Variants in MYO16 observed in about 807,000 individuals in gnomAD.
MYO16 encodes the protein myosin XVI.
In MYO16, 94 loss-of-function variants were observed where a neutral mutation model predicts 205.3. That is an observed-to-expected ratio of 0.46 (90% CI 0.39 to 0.54). MYO16 has a LOEUF of 0.54. MYO16 is among the 20% of genes least tolerant of loss of function. The pLI, the probability that MYO16 is intolerant of heterozygous loss-of-function variation, is 0.00. For synonymous variants in MYO16, 988 were observed against 954.0 expected, an observed-to-expected ratio of 1.04 and a Z score of -0.66; for missense variants, 2,315 against 2,387.5, an observed-to-expected ratio of 0.97 and a Z score of 0.63.
rs34317737 is a variant in MYO16, at chr13:109,127,859, TAAAAAAAAA to T, written c.4051+320_4051+328del. On this transcript the variant is annotated intron_variant, in intron 31 of 34. Transcript: ENST00000457511. This position sits in a 1 kb window ranked among gnomAD's most constrained non-coding sequence, Gnocchi z 4.2. ...ATGTAAAGGTTCACCAATGAGAAAG[TAAAAAAAAA>T]AAAAAAAAAACTGCTTCAGGCATTC... Among the ~76,000 whole-genome samples the T allele has an allele frequency of 7.5e-6, 1 of 132,660 alleles. No homozygotes were observed. Among genetic ancestry groups the T allele is most frequent in the Non-Finnish European group, 1.6e-5 (1 of 62,610 alleles). The allele number at this position is 132,660 out of a possible 152,430, so 87.0% of individuals were successfully genotyped here.
chr13:109,023,974 ATATG>A (rs1446943598), intron 23 of MYO16, among the ~76,000 whole-genome samples: 2 of 128,604 alleles, frequency 1.6e-5, no homozygotes, highest in East Asian at 4.9e-4. Context: ...ATATATTTCT[ATATG>A]TATATATTTC....
intron 1 of MYO16, among the ~76,000 whole-genome samples, chr13:108,604,049 C>T (rs1396503784): frequency 2.0e-5 from 3 of 151,938 alleles, no homozygotes; most frequent in Non-Finnish European, 2.9e-5. Flanking sequence ...CTTCACAAGG[C>T]GGCAGGTGAG....
chr13:108,898,859 C>T (rs1880569686), intron 15 of MYO16, among the ~76,000 whole-genome samples: 1 of 152,004 alleles, frequency 6.6e-6, no homozygotes, highest in African/African-American at 2.4e-5. Flanking sequence ...AATATAAATA[C>T]AATTGTAGGT....
chr13:108,924,505 A>G (rs918579968), intron 16 of MYO16, among the ~76,000 whole-genome samples: 2 of 152,230 alleles, frequency 1.3e-5, no homozygotes, highest in African/African-American at 4.8e-5. Context: ...TTCAATAGGA[A>G]GAAATGATCA....
chr13:108,887,185 C>A (rs1879940547), intron 13 of MYO16, among the ~76,000 whole-genome samples: 1 of 152,032 alleles, frequency 6.6e-6, no homozygotes, highest in South Asian at 2.1e-4. Context: ...ATTTTGTTTT[C>A]TAATATTAAC....
intron 1 of MYO16, among the ~76,000 whole-genome samples, chr13:108,616,697 A>G (rs1879361478): frequency 6.6e-6 from 1 of 152,168 alleles, no homozygotes; most frequent in Non-Finnish European, 1.5e-5. Context: ...AGTATTTTAG[A>G]AACTACTTAT....
chr13:109,206,845 G>C lies in MYO16; in HGVS notation c.*9G>C. 1 of 1,611,150 alleles carries C rather than the reference G, an allele frequency of 6.2e-7. No individual in the cohort carries two copies. The highest frequency in any genetic ancestry group is 8.5e-7 in the Non-Finnish European group (1 of 1,177,948). ...GGGACACCACCATTTGATGTGGCCT[G>C]AACTGCAGACTTACAAAATAGAACT... On this transcript the variant is annotated 3_prime_UTR_variant, in exon 35 of 35. Coordinates refer to ENST00000457511, the MANE Select transcript of MYO16 (RefSeq NM_001198950.3).
the MYO16 span, among the ~76,000 whole-genome samples, chr13:108,523,007 T>G: frequency 1.3e-5 from 2 of 152,142 alleles, no homozygotes; most frequent in Non-Finnish European, 2.9e-5. Flanking sequence ...TAGAAAAGCC[T>G]CAATCCTTTC....
chr13:109,074,970 A>G (rs1888044896), intron 27 of MYO16, among the ~76,000 whole-genome samples: 1 of 152,162 alleles, frequency 6.6e-6, no homozygotes, highest in Non-Finnish European at 1.5e-5. Context: ...GGCACCATAA[A>G]TTGTTTACTC....
chr13:109,065,460 A>G (rs750083945), intron 27 of MYO16: 122 of 405,146 alleles, frequency 3.0e-4, no homozygotes, highest in Non-Finnish European at 5.3e-4. Flanking sequence ...TGTGTTGAAT[A>G]ATATAAAACC....
chr13:108,951,846 T>C (rs1883165580), intron 16 of MYO16, among the ~76,000 whole-genome samples: 1 of 152,148 alleles, frequency 6.6e-6, no homozygotes, highest in African/African-American at 2.4e-5. Context: ...CGCATGCCTG[T>C]AATCCCAGCA....
intron 1 of MYO16, among the ~76,000 whole-genome samples, chr13:108,653,139 T>G (rs1233752724): frequency 6.6e-6 from 1 of 152,238 alleles, no homozygotes; most frequent in Non-Finnish European, 1.5e-5. Context: ...TGATGATCAA[T>G]GATGTTGAGC....
At chr13:108,608,675 C>T (rs1594140448) in intron 1 of MYO16, among the ~76,000 whole-genome samples, 1 of 151,890 alleles carries the variant, frequency 6.6e-6, no homozygotes, top group Admixed American at 6.6e-5. Flanking sequence ...GACAGTCCTG[C>T]TCTGTCACCC....
At chr13:108,831,855 A>G (rs747321962) in intron 9 of MYO16, among the ~76,000 whole-genome samples, 2 of 152,154 alleles carry the variant, frequency 1.3e-5, no homozygotes, top group African/African-American at 2.4e-5. Flanking sequence ...AGCTAGAACA[A>G]ATCAAAGGCC....
chr13:109,046,311 C>A (rs1447940023), intron 23 of MYO16, among the ~76,000 whole-genome samples: 3 of 152,010 alleles, frequency 2.0e-5, no homozygotes, highest in African/African-American at 4.8e-5. Flanking sequence ...CTAAGAGAGA[C>A]AACAAACTAT....
chr13:108,533,867 A>G, the MYO16 span, among the ~76,000 whole-genome samples: 1 of 152,184 alleles, frequency 6.6e-6, no homozygotes, highest in Admixed American at 6.5e-5. Context: ...TCAATTGAAC[A>G]TATATAGCAC....
chr13:108,509,017 G>A, the MYO16 span, among the ~76,000 whole-genome samples: 1 of 152,188 alleles, frequency 6.6e-6, no homozygotes, highest in African/African-American at 2.4e-5. Flanking sequence ...GTGGACAGGA[G>A]AAACTGAGTA....
At chr13:109,204,492 C>T (rs1359396499) in intron 34 of MYO16, among the ~76,000 whole-genome samples, 1 of 152,112 alleles carries the variant, frequency 6.6e-6, no homozygotes, top group Non-Finnish European at 1.5e-5. Flanking sequence ...CACTCCTGGA[C>T]AAACATAGAT....
chr13:109,156,534 C>T (rs747575739), intron 32 of MYO16, among the ~76,000 whole-genome samples: 1 of 152,216 alleles, frequency 6.6e-6, no homozygotes, highest in Non-Finnish European at 1.5e-5. Flanking sequence ...TTTTCTCCTG[C>T]GTTACTGAAA....
Sources: gnomAD v4.1 joint callset for allele counts (sites outside exome capture counted in the v4.1 genomes callset) on GRCh38, gnomAD v4.1.1 for gene constraint, Gnocchi (gnomAD v3.1) non-coding constraint, MANE v1.5 for transcripts, NCBI Gene and HGNC (gene_info 2026-07-23, HGNC 2026-07-21) for gene names.